The following PCSK5 variants were observed in gnomAD, a reference collection of about 807,000 sequenced individuals.
The protein encoded by PCSK5 is prohormone convertase 5.
In PCSK5, 129 loss-of-function variants were observed where a neutral mutation model predicts 233.2. That is an observed-to-expected ratio of 0.55 (90% confidence interval 0.48 to 0.64). PCSK5 has a LOEUF of 0.64. Among genes scored for constraint, PCSK5 ranks in the 30% least tolerant of loss-of-function variants. The probability of loss-of-function intolerance (pLI) is 0.00; values close to 1 mark genes in which losing one functional copy is unlikely to be tolerated. For synonymous variants in PCSK5, 825 were observed against 879.2 expected (o/e 0.94, Z 1.09); for missense variants, 2,076 against 2,430.1 (o/e 0.85, Z 3.06).
In PCSK5 at chr9:75,922,094, C is replaced by T. The variant is rs117217322; in HGVS notation, c.193-10285C>T. On this transcript the variant is annotated intron_variant, in intron 1 of 37. Coordinates refer to ENST00000674117, the MANE Select transcript of PCSK5 (RefSeq NM_001372043.1). ...TCTGCAGTGTCTTTGGATCATTGCT[C>T]GGCACATAGTACACACTCAGTTAAT... is the stretch of plus-strand genomic sequence containing the variant. Among the ~76,000 whole-genome samples, 52 of 152,190 alleles carry T rather than the reference C, an allele frequency of 3.4e-4. No individual in the cohort carries two copies. The East Asian group carries it at 3.7e-3, about 11-fold the overall frequency.
intron 5 of PCSK5, among the ~76,000 whole-genome samples, chr9:76,060,026 G>A (rs1177112128): frequency 6.6e-6 from 1 of 152,030 alleles, no homozygotes. Context: ...CTTTCTCAAA[G>A]GTCTTTTCAC....
At chr9:76,225,835 G>A (rs1228441688) in intron 20 of PCSK5, among the ~76,000 whole-genome samples, 1 of 152,190 alleles carries the variant, frequency 6.6e-6, no homozygotes, top group South Asian at 2.1e-4. Flanking sequence ...TCCCTCTACA[G>A]AGGCAGGCGC....
At chr9:76,121,814 G>GTTT (rs568155033) in intron 9 of PCSK5, among the ~76,000 whole-genome samples, 2 of 61,754 alleles carry the variant, frequency 3.2e-5, no homozygotes, top group Non-Finnish European at 7.3e-5. Flanking sequence ...TCTTGTATTG[G>GTTT]TTTTTTTTTT....
intron 24 of PCSK5, among the ~76,000 whole-genome samples, chr9:76,279,362 G>A (rs1056837109): frequency 9.4e-5 from 14 of 149,160 alleles, no homozygotes; most frequent in East Asian, 5.9e-4. Flanking sequence ...GAATAATGCC[G>A]CAATAAACAT....
At chr9:76,111,684 G>T (rs1206777129) in intron 9 of PCSK5, among the ~76,000 whole-genome samples, 5 of 152,094 alleles carry the variant, frequency 3.3e-5, no homozygotes, top group South Asian at 4.1e-4. Context: ...TGCTTAAAAT[G>T]ATGTCTTTTT....
intron 36 of PCSK5, among the ~76,000 whole-genome samples, chr9:76,352,099 G>T (rs1830182021): frequency 1.3e-5 from 2 of 152,200 alleles, no homozygotes. Context: ...TAAAAGGATG[G>T]CTACTGCATA....
chr9:76,015,851 C>T (rs1398711092), intron 3 of PCSK5, among the ~76,000 whole-genome samples: 3 of 152,202 alleles, frequency 2.0e-5, no homozygotes, highest in African/African-American at 7.2e-5. Context: ...TAGCAAACCA[C>T]ACCTTCCTCA....
intron 4 of PCSK5, among the ~76,000 whole-genome samples, chr9:76,026,313 A>G (rs934306834): frequency 6.6e-6 from 1 of 152,184 alleles, no homozygotes; most frequent in Non-Finnish European, 1.5e-5. Flanking sequence ...AAAACTGTTC[A>G]TTATTTTGGT....
At chr9:76,256,900 A>G (rs951476141) in intron 24 of PCSK5, among the ~76,000 whole-genome samples, 16 of 152,248 alleles carry the variant, frequency 1.1e-4, no homozygotes, top group Non-Finnish European at 1.8e-4. Flanking sequence ...TTTATAAAGG[A>G]AAGCATCACA....
chr9:76,012,942 G>A (rs956437512), intron 3 of PCSK5, among the ~76,000 whole-genome samples: 1 of 152,048 alleles, frequency 6.6e-6, no homozygotes, highest in African/African-American at 2.4e-5. Flanking sequence ...TACAGGGCAT[G>A]GCAAAAATCC....
chr9:75,983,796 A>G (rs1826379881), intron 2 of PCSK5, among the ~76,000 whole-genome samples: 1 of 152,174 alleles, frequency 6.6e-6, no homozygotes, highest in Non-Finnish European at 1.5e-5. Context: ...ATAATGCATA[A>G]CCTCTGGCTT....
At chr9:76,017,231 A>C (rs1039085200) in intron 3 of PCSK5, among the ~76,000 whole-genome samples, 13 of 152,216 alleles carry the variant, frequency 8.5e-5, no homozygotes, top group African/African-American at 3.1e-4. Flanking sequence ...AATGTAAAAA[A>C]TAATTCAGGT....
rs148850008 is a variant in PCSK5, at chr9:75,942,813, A to C, written c.297+10330A>C. On this transcript the variant is annotated intron_variant, in intron 2 of 37. Coordinates refer to ENST00000674117, the MANE Select transcript of PCSK5 (RefSeq NM_001372043.1). ...TGGATTTTGCATAATCTCTTTAGCC[A>C]CTTGAAGGAAAGATACTAACTATAA... 1.8e-4 allele frequency among the ~76,000 whole-genome samples: 27 copies of C among 152,114 alleles called. No homozygotes were observed. The East Asian group carries it at 4.4e-3, about 25-fold the overall frequency.
At chr9:76,250,806 T>G (rs981356457) in intron 24 of PCSK5, among the ~76,000 whole-genome samples, 2 of 152,174 alleles carry the variant, frequency 1.3e-5, no homozygotes, top group East Asian at 3.8e-4. Flanking sequence ...AATAACCACA[T>G]TATAATAAAA....
chr9:76,331,666 C>CA (rs368431038), intron 33 of PCSK5, among the ~76,000 whole-genome samples: 30,242 of 119,334 alleles, frequency 0.25, 3,443 homozygotes, highest in Middle Eastern at 0.31. Flanking sequence ...GACTCCATCT[C>CA]AAAAAAAAAA....
chr9:76,189,534 G>A (rs1467423356), intron 19 of PCSK5, 97 bp from the exon 20 acceptor site: 4 of 769,554 alleles, frequency 5.2e-6, no homozygotes, highest in East Asian at 2.5e-5. Flanking sequence ...AATCTTCAGA[G>A]GGATAATTAA....
chr9:76,159,202 G>C (rs775222487), intron 12 of PCSK5, 31 bp downstream of exon 12: 3 of 1,598,764 alleles, frequency 1.9e-6, no homozygotes, highest in Non-Finnish European at 2.6e-6. Flanking sequence ...CACCAGTGTA[G>C]TAGTCACAGC....
At chr9:76,280,946 T>TAAGCCA (rs1827844776) in intron 24 of PCSK5, among the ~76,000 whole-genome samples, 1 of 151,660 alleles carries the variant, frequency 6.6e-6, no homozygotes, top group Admixed American at 6.6e-5. Flanking sequence ...AACATTTCCT[T>TAAGCCA]AAGCCAAAGC....
intron 24 of PCSK5, among the ~76,000 whole-genome samples, chr9:76,278,454 C>T (rs977256557): frequency 6.6e-6 from 1 of 151,754 alleles, no homozygotes; most frequent in African/African-American, 2.4e-5. Context: ...CAAGCTCCCT[C>T]ATGGGAGATC....
Sources: allele counts gnomAD v4.1 joint callset (sites outside exome capture counted in the v4.1 genomes callset), GRCh38; gene constraint gnomAD v4.1.1; transcripts MANE v1.5; gene names NCBI Gene and HGNC (gene_info 2026-07-23, HGNC 2026-07-21).